The following MAPK4 variants were observed in gnomAD, a reference collection of about 807,000 sequenced individuals.
MAPK4 encodes mitogen-activated protein kinase 4.
A neutral mutation model predicts 47.7 loss-of-function variants in MAPK4; 22 were observed. The ratio of observed to expected loss-of-function variants is 0.46; its 90% CI spans 0.33 to 0.66. The LOEUF is 0.66. Among genes scored for constraint, MAPK4 ranks in the 30% least tolerant of loss-of-function variants. The pLI is 0.02. For missense variants in MAPK4, 736 were observed against 831.7 expected (o/e 0.88, Z 1.42); for synonymous variants, 390 against 365.7 (o/e 1.07, Z -0.76).
intron 2 of MAPK4, among the ~76,000 whole-genome samples, chr18:50,679,070 T>TC (rs1454811698): frequency 1.3e-5 from 2 of 152,188 alleles, no homozygotes; most frequent in African/African-American, 4.8e-5. Flanking sequence ...CCATTGTCAA[T>TC]CCCTATGCCT....
At chr18:50,619,785 A>T (rs918310014) in intron 1 of MAPK4, among the ~76,000 whole-genome samples, 1 of 152,202 alleles carries the variant, frequency 6.6e-6, no homozygotes, top group African/African-American at 2.4e-5. Flanking sequence ...CCTCCTTTTA[A>T]CCATTTCATT....
chr18:50,579,139 A>G (rs2042322240), intron 1 of MAPK4, among the ~76,000 whole-genome samples: 1 of 152,164 alleles, frequency 6.6e-6, no homozygotes, highest in Non-Finnish European at 1.5e-5. Context: ...GCAGGAGAGG[A>G]TGGTGATCAG....
intron 2 of MAPK4, among the ~76,000 whole-genome samples, chr18:50,692,058 T>G (rs575121325): frequency 6.6e-6 from 1 of 152,204 alleles, no homozygotes; most frequent in Non-Finnish European, 1.5e-5. Context: ...CAGGGTCACA[T>G]AGCTTAGAAT....
chr18:50,575,829 C>A (rs2149360419), intron 1 of MAPK4, among the ~76,000 whole-genome samples: 2 of 140,560 alleles, frequency 1.4e-5, no homozygotes, highest in African/African-American at 2.6e-5. Context: ...AAAAAGTTTG[C>A]AGAGGAGATG....
chr18:50,644,197 A>G (rs919394780), intron 1 of MAPK4, among the ~76,000 whole-genome samples: 12 of 152,100 alleles, frequency 7.9e-5, no homozygotes, highest in Non-Finnish European at 1.3e-4. Flanking sequence ...ACAACATGAT[A>G]GGTAAAATAA....
At chr18:50,586,589 A>T (rs1275165457) in intron 1 of MAPK4, among the ~76,000 whole-genome samples, 131 of 152,202 alleles carry the variant, frequency 8.6e-4, no homozygotes, top group Non-Finnish European at 1.7e-3. Context: ...AATGTGGAGT[A>T]ATAATGATAT....
chr18:50,658,609 C>T (rs1053323810), intron 1 of MAPK4, among the ~76,000 whole-genome samples: 4 of 152,244 alleles, frequency 2.6e-5, no homozygotes, highest in African/African-American at 4.8e-5. Context: ...CAGCAGGCTT[C>T]TGTTAAGATG....
chr18:50,561,645 T>C (rs143771652), intron 1 of MAPK4, among the ~76,000 whole-genome samples: 124 of 152,334 alleles, frequency 8.1e-4, no homozygotes, highest in Non-Finnish European at 1.6e-3. Context: ...GAAAATATAA[T>C]ATCTTCTGAA....
At chr18:50,682,493 A>G (rs1908644996) in intron 2 of MAPK4, among the ~76,000 whole-genome samples, 1 of 152,198 alleles carries the variant, frequency 6.6e-6, no homozygotes, top group South Asian at 2.1e-4. Flanking sequence ...AAGAAAAGCA[A>G]GTGACAGATT....
intron 1 of MAPK4, among the ~76,000 whole-genome samples, chr18:50,655,384 G>A (rs1250852474): frequency 6.6e-6 from 1 of 152,138 alleles, no homozygotes; most frequent in Non-Finnish European, 1.5e-5. Context: ...TGGGCTGGGA[G>A]TGGTGCTGGG....
At chr18:50,604,088 A>G (rs1185385967) in intron 1 of MAPK4, among the ~76,000 whole-genome samples, 1 of 152,248 alleles carries the variant, frequency 6.6e-6, no homozygotes, top group African/African-American at 2.4e-5. Flanking sequence ...AAGTATAAGG[A>G]CAAGACAAGA....
Position 50,560,099 on chromosome 18 carries a change from G to A in MAPK4, c.-1015G>A, listed in dbSNP as rs1473434881. 1 of 148,820 alleles carries A rather than the reference G, an allele frequency of 6.7e-6. No individual in the cohort carries two copies. The highest frequency in any genetic ancestry group is 2.0e-4 in the East Asian group (1 of 5,100). 9.2% of individuals were successfully genotyped at this position (148,820 alleles called of 1,614,324 possible). ...CGGGGCGGGAGCCGGAGCCCGAGCTGGAGCAGCGAGCCGGGCTGTCGGGGC... is the reference window on the plus strand; with the variant it reads ...CGGGGCGGGAGCCGGAGCCCGAGCTAGAGCAGCGAGCCGGGCTGTCGGGGC... On this transcript the variant is annotated 5_prime_UTR_variant, in exon 1 of 6. Coordinates refer to ENST00000400384, the MANE Select transcript of MAPK4 (RefSeq NM_002747.4).
chr18:50,650,388 C>T (rs1055545643), intron 1 of MAPK4, among the ~76,000 whole-genome samples: 1 of 151,642 alleles, frequency 6.6e-6, no homozygotes, highest in Non-Finnish European at 1.5e-5. Flanking sequence ...TGTCCCTGCT[C>T]CCCTAGCCTG....
chr18:50,596,474 T>G (rs773572971), intron 1 of MAPK4, among the ~76,000 whole-genome samples: 4 of 152,148 alleles, frequency 2.6e-5, no homozygotes, highest in Non-Finnish European at 4.4e-5. Context: ...TCATGAGAAT[T>G]CTCTTGTGGG....
intron 2 of MAPK4, among the ~76,000 whole-genome samples, chr18:50,673,313 A>G (rs1253574916): frequency 6.6e-6 from 1 of 152,156 alleles, no homozygotes; most frequent in Non-Finnish European, 1.5e-5. Flanking sequence ...AGGGATCAAC[A>G]GCCCCCTCTT....
At chr18:50,582,963 A>G (rs929861233) in intron 1 of MAPK4, among the ~76,000 whole-genome samples, 1 of 152,202 alleles carries the variant, frequency 6.6e-6, no homozygotes, top group African/African-American at 2.4e-5. Context: ...GAGGCATATT[A>G]CAGCTCTCTT....
intron 2 of MAPK4, among the ~76,000 whole-genome samples, chr18:50,708,375 C>T (rs886373439): frequency 1.3e-5 from 2 of 152,148 alleles, no homozygotes; most frequent in Non-Finnish European, 2.9e-5. Context: ...GGTCAGTCTG[C>T]TGCTCGGTTT....
At chr18:50,701,492 CT>C (rs1909785176) in intron 2 of MAPK4, among the ~76,000 whole-genome samples, 1 of 152,076 alleles carries the variant, frequency 6.6e-6, no homozygotes, top group Non-Finnish European at 1.5e-5. Context: ...AGTGGAGATG[CT>C]TTTAGTTTTA....
At chr18:50,565,314 G>A (rs1171506282) in intron 1 of MAPK4, among the ~76,000 whole-genome samples, 3 of 152,174 alleles carry the variant, frequency 2.0e-5, no homozygotes, top group South Asian at 2.1e-4. Context: ...GGATCGTTCC[G>A]GTTTAGCAGG....
Sources: gnomAD v4.1 joint callset for allele counts (sites outside exome capture counted in the v4.1 genomes callset) on GRCh38, gnomAD v4.1.1 for gene constraint, MANE v1.5 for transcripts, NCBI Gene and HGNC (gene_info 2026-07-23, HGNC 2026-07-21) for gene names.